UNC13C: variants seen among roughly 807,000 people sequenced by gnomAD.
UNC13C encodes the protein unc-13 homolog C.
UNC13C carries 174 observed loss-of-function variants against 245.4 expected under a neutral mutation model. The observed-to-expected ratio is 0.71, with a 90% CI of 0.63 to 0.80. UNC13C has a LOEUF of 0.80. Ranked by LOEUF, UNC13C falls within the 30% of genes least tolerant of loss-of-function variation. UNC13C has a pLI of 0.00. For synonymous variants in UNC13C, 992 were observed against 895.1 expected, an observed-to-expected ratio of 1.11 and a Z score of -1.93; for missense variants, 2,829 against 2,602.9, an observed-to-expected ratio of 1.09 and a Z score of -1.89.
At chr15:54,137,640 T>C (rs2031805570) in intron 2 of UNC13C, among the ~76,000 whole-genome samples, 1 of 152,204 alleles carries the variant, frequency 6.6e-6, no homozygotes, top group South Asian at 2.1e-4. Flanking sequence ...CTTAAGATCC[T>C]TTGTAGTTTT....
chr15:54,089,660 CTTTTTT>C (rs59965194), intron 2 of UNC13C, among the ~76,000 whole-genome samples: 196 of 140,472 alleles, frequency 1.4e-3, no homozygotes, highest in African/African-American at 4.9e-3. Context: ...CTTCCAATAT[CTTTTTT>C]TTTTTTTTTT....
At chr15:54,145,924 G>A (rs752858549) in intron 4 of UNC13C, among the ~76,000 whole-genome samples, 9 of 152,070 alleles carry the variant, frequency 5.9e-5, no homozygotes, top group Non-Finnish European at 1.2e-4. Flanking sequence ...TTTGCATTTC[G>A]AATAGATCTT....
At chr15:53,902,695 A>G in the UNC13C span, among the ~76,000 whole-genome samples, 1 of 152,244 alleles carries the variant, frequency 6.6e-6, no homozygotes, top group South Asian at 2.1e-4. Context: ...CAGTACCAAC[A>G]GAAGCAAAAA....
rs1486469531 is a variant in UNC13C, at chr15:54,015,713, C to T, written c.2810C>T (p.Pro937Leu). The T allele has an allele frequency of 6.2e-7, 1 of 1,613,524 alleles. No individual in the cohort carries two copies. Among genetic ancestry groups the T allele is most frequent in the Non-Finnish European group, 8.5e-7 (1 of 1,179,748 alleles). Residue 937 changes from proline to leucine, a missense_variant, in exon 2 of 33, where the codon CCC (proline) becomes CTC (leucine). Physicochemically the swap from Pro to Leu is moderately conservative, Grantham distance 98. Transcript: ENST00000260323. ...ATGGTTAGTGAAGAGGGGTTAGAAC[C>T]CTTAAATGAAACATCAGCTGAGATG... Reference protein sequence around the residue: ...DDMVSEEGLEPLNETSAEMEI... With the variant: ...DDMVSEEGLELLNETSAEMEI...
chr15:54,003,150 G>C (rs1233318523), intron 1 of UNC13C, among the ~76,000 whole-genome samples: 2 of 152,172 alleles, frequency 1.3e-5, no homozygotes, highest in Non-Finnish European at 2.9e-5. Flanking sequence ...AGCTAAAGGA[G>C]CTCTGCTTTT....
intron 1 of UNC13C, among the ~76,000 whole-genome samples, chr15:53,981,067 T>C (rs970513118): frequency 9.9e-5 from 15 of 152,176 alleles, no homozygotes; most frequent in South Asian, 2.1e-4. Context: ...CGTTGTCTGC[T>C]GATTTAGGGC....
At chr15:53,960,198 C>G in the UNC13C span, among the ~76,000 whole-genome samples, 1 of 152,136 alleles carries the variant, frequency 6.6e-6, no homozygotes, top group Non-Finnish European at 1.5e-5. Flanking sequence ...ATTGTCACCA[C>G]AGGCAATATG....
the UNC13C span, among the ~76,000 whole-genome samples, chr15:53,885,091 A>T: frequency 6.6e-6 from 1 of 152,230 alleles, no homozygotes; most frequent in Non-Finnish European, 1.5e-5. Flanking sequence ...TTTTATAAAT[A>T]GAAAGTCAGG....
the UNC13C span, among the ~76,000 whole-genome samples, chr15:53,921,013 A>T: frequency 1.3e-5 from 2 of 152,014 alleles, no homozygotes; most frequent in Admixed American, 1.3e-4. Context: ...GTTTTCAAGG[A>T]TGAGCAGGAG....
chr15:53,969,435 C>T, the UNC13C span, among the ~76,000 whole-genome samples: 1 of 152,078 alleles, frequency 6.6e-6, no homozygotes, highest in Non-Finnish European at 1.5e-5. Context: ...ACACATAATA[C>T]ATTTTGGGAG....
At chr15:54,058,707 C>G (rs1455305400) in intron 2 of UNC13C, among the ~76,000 whole-genome samples, 2 of 152,144 alleles carry the variant, frequency 1.3e-5, no homozygotes, top group Non-Finnish European at 2.9e-5. Context: ...ATGCAAAAAT[C>G]CTCAATAAAA....
intron 19 of UNC13C, among the ~76,000 whole-genome samples, chr15:54,440,228 A>T (rs898137476): frequency 6.6e-6 from 1 of 151,992 alleles, no homozygotes; most frequent in Non-Finnish European, 1.5e-5. Context: ...ACCCTCCATC[A>T]TGATTGTAAG....
rs186425325 is a variant in UNC13C at position 54,449,508 on chromosome 15, G to A, written c.4933+34441G>A. 7.1e-4 allele frequency among the ~76,000 whole-genome samples: 108 copies of A among 151,820 alleles called. No individual in the cohort carries two copies. The Middle Eastern group carries it at 0.01, about 14-fold the overall frequency. ...CTTTTTTCTCTAAACTTCTCTTCTC[G>A]CTTCATTTAATTCATTTGATATTCA... On this transcript the variant is annotated intron_variant, in intron 19 of 32. Transcript: ENST00000260323.
At chr15:54,472,766 A>G (rs1892528224) in intron 19 of UNC13C, among the ~76,000 whole-genome samples, 2 of 151,966 alleles carry the variant, frequency 1.3e-5, no homozygotes, top group South Asian at 4.1e-4. Context: ...CTGATAATCT[A>G]ATAGACGTTC....
chr15:54,000,121 G>A (rs759751770), intron 1 of UNC13C, among the ~76,000 whole-genome samples: 3 of 152,010 alleles, frequency 2.0e-5, no homozygotes, highest in Non-Finnish European at 4.4e-5. Flanking sequence ...CAATTCTGAG[G>A]GAGAAGTTTT....
At chr15:54,375,326 G>A (rs564548256) in intron 17 of UNC13C, among the ~76,000 whole-genome samples, 1 of 152,154 alleles carries the variant, frequency 6.6e-6, no homozygotes, top group Non-Finnish European at 1.5e-5. Context: ...TCTGAATGCA[G>A]TGTTGAAATA....
chr15:54,129,129 C>T lies in UNC13C; in HGVS notation c.2984-13889C>T, dbSNP rs1052368045. On this transcript the variant is annotated intron_variant, in intron 2 of 32. Transcript: ENST00000260323. ...ATATAATGACCAGAATTGTTAGTTG[C>T]GTTTAGTGGGAGTAATAGGGAGAGT... Among the ~76,000 whole-genome samples the T allele has an allele frequency of 3.9e-5, 6 of 152,044 alleles. No homozygotes were observed. In the East Asian group the frequency reaches 7.7e-4, roughly 20 times the overall value.
intron 2 of UNC13C, among the ~76,000 whole-genome samples, chr15:54,056,930 A>C (rs1897556027): frequency 1.3e-5 from 2 of 152,216 alleles, no homozygotes; most frequent in African/African-American, 2.4e-5. Context: ...CGTCACCACC[A>C]GGCCTGCCCT....
intron 4 of UNC13C, among the ~76,000 whole-genome samples, chr15:54,188,968 C>A (rs11637746): frequency 6.6e-6 from 1 of 151,830 alleles, no homozygotes; most frequent in African/African-American, 2.4e-5. Flanking sequence ...TACATAATAC[C>A]GTTTTGGTAA....
Sources: allele counts gnomAD v4.1 joint callset (sites outside exome capture counted in the v4.1 genomes callset), GRCh38; gene constraint gnomAD v4.1.1; transcripts MANE v1.5; gene names NCBI Gene and HGNC (gene_info 2026-07-23, HGNC 2026-07-21).